NTF3: variants seen among roughly 807,000 people sequenced by gnomAD.
NTF3 encodes neurotrophin 3, also known as neurotrophin-3.
A neutral mutation model predicts 26.3 loss-of-function variants in NTF3; 8 were observed. The observed-to-expected ratio is 0.30, with a 90% CI of 0.18 to 0.55. NTF3 has a LOEUF of 0.55. NTF3 is among the 20% of genes least tolerant of loss of function. The pLI is 0.93. For missense variants in NTF3, 276 were observed against 352.9 expected, an observed-to-expected ratio of 0.78 and a Z score of 1.75; for synonymous variants, 154 against 145.5, an observed-to-expected ratio of 1.06 and a Z score of -0.42.
rs1052026158 is a variant in NTF3, at chr12:5,432,384, G to C, written c.18+42G>C. The C allele has an allele frequency of 1.9e-6, 3 of 1,587,214 alleles. No individual in the cohort carries two copies. In the Admixed American group the frequency reaches 5.0e-5, roughly 27 times the overall value. On this transcript the variant is annotated intron_variant, in intron 1 of 1. Coordinates refer to ENST00000423158, the MANE Select transcript of NTF3 (RefSeq NM_001102654.2). ...GGCACCTTGGGTGGGCAGGTTTGGG[G>C]ATGGGGGTCCACGTGGGGAGGGATT...
chr12:5,458,197 G>A (rs1940477127), intron 1 of NTF3, among the ~76,000 whole-genome samples: 2 of 152,222 alleles, frequency 1.3e-5, no homozygotes, highest in Admixed American at 6.5e-5. Context: ...CTGAGCCACA[G>A]CACCTGGGTA....
chr12:5,441,175 A>C (rs1337270058), intron 1 of NTF3, among the ~76,000 whole-genome samples: 2 of 152,226 alleles, frequency 1.3e-5, no homozygotes, highest in African/African-American at 4.8e-5. Context: ...GAAGTCCTCG[A>C]ACCACACTAG....
At chr12:5,442,132 C>A (rs1444382508) in intron 1 of NTF3, among the ~76,000 whole-genome samples, 1 of 152,170 alleles carries the variant, frequency 6.6e-6, no homozygotes, top group Non-Finnish European at 1.5e-5. Context: ...GTGAAGGAGG[C>A]AGTCAGGTTA....
intron 1 of NTF3, among the ~76,000 whole-genome samples, chr12:5,432,725 A>G (rs11836221): frequency 0.56 from 84,707 of 151,138 alleles, 24,228 homozygotes; most frequent in Non-Finnish European, 0.59. Context: ...GTGGGGGCAG[A>G]AGAGGGGAAA....
intron 1 of NTF3, among the ~76,000 whole-genome samples, chr12:5,434,440 G>A (rs547708379): frequency 8.8e-4 from 133 of 151,974 alleles, no homozygotes; most frequent in African/African-American, 3.0e-3. Context: ...CATTGAGTGA[G>A]TGGTCAGGGA....
rs1940451126 is a variant in NTF3, at chr12:5,456,506, G to A, written c.18+24164G>A. On this transcript the variant is annotated intron_variant, in intron 1 of 1. Coordinates refer to ENST00000423158, the MANE Select transcript of NTF3 (RefSeq NM_001102654.2). This position sits in a 1 kb window ranked among gnomAD's most constrained non-coding sequence, Gnocchi z 4.4. Reference sequence around the variant, plus strand: ...GGCCAACGGCACCTAACCACCTCAGGCACGGTGGACCTGGCTCCTCAGAGA... The same window carrying A: ...GGCCAACGGCACCTAACCACCTCAGACACGGTGGACCTGGCTCCTCAGAGA... Among the ~76,000 whole-genome samples, 1 of 152,084 alleles carries A rather than the reference G, an allele frequency of 6.6e-6. No homozygotes were observed. The highest frequency in any genetic ancestry group is 6.5e-5 in the Admixed American group (1 of 15,274).
intron 1 of NTF3, among the ~76,000 whole-genome samples, chr12:5,486,981 AAAAC>A (rs1430724852): frequency 6.6e-6 from 1 of 152,008 alleles, no homozygotes; most frequent in Non-Finnish European, 1.5e-5. Context: ...GTGAGTTACC[AAAAC>A]AAATACCACT....
At chr12:5,447,537 G>A (rs1190283312) in intron 1 of NTF3, among the ~76,000 whole-genome samples, 1 of 152,172 alleles carries the variant, frequency 6.6e-6, no homozygotes, top group Non-Finnish European at 1.5e-5. Context: ...GTCAATCACT[G>A]TACGCACAAC....
intron 1 of NTF3, among the ~76,000 whole-genome samples, chr12:5,471,991 C>T (rs1324951215): frequency 1.3e-5 from 2 of 152,092 alleles, no homozygotes; most frequent in East Asian, 1.9e-4. Context: ...CTCTGCACAC[C>T]GTCCATTTTT....
intron 1 of NTF3, among the ~76,000 whole-genome samples, chr12:5,474,380 G>T (rs1940698701): frequency 6.6e-6 from 1 of 152,232 alleles, no homozygotes; most frequent in Admixed American, 6.5e-5. Context: ...TCAAATAGTA[G>T]TTAGCCAGGG....
intron 1 of NTF3, among the ~76,000 whole-genome samples, chr12:5,438,495 G>A (rs760896652): frequency 6.6e-6 from 1 of 152,322 alleles, no homozygotes; most frequent in Admixed American, 6.5e-5. Flanking sequence ...GTGAAATTTC[G>A]TGTGGTCTGT....
At chr12:5,446,412 C>T (rs1940306226) in intron 1 of NTF3, among the ~76,000 whole-genome samples, 1 of 152,222 alleles carries the variant, frequency 6.6e-6, no homozygotes. Context: ...ATTTCTGGCA[C>T]TGATGGCTCA....
chr12:5,490,082 T>G (rs1940916267), intron 1 of NTF3, among the ~76,000 whole-genome samples: 1 of 151,778 alleles, frequency 6.6e-6, no homozygotes, highest in Non-Finnish European at 1.5e-5. Flanking sequence ...AGAAAGGGGG[T>G]TCACTAAGGT....
At chr12:5,454,578 C>T (rs999871375) in intron 1 of NTF3, among the ~76,000 whole-genome samples, 3 of 152,208 alleles carry the variant, frequency 2.0e-5, no homozygotes, top group African/African-American at 4.8e-5. Context: ...AGTCAGTTCT[C>T]TTTGGGGTGA....
chr12:5,442,311 G>C (rs760365440), intron 1 of NTF3, among the ~76,000 whole-genome samples: 1 of 152,198 alleles, frequency 6.6e-6, no homozygotes, highest in Non-Finnish European at 1.5e-5. Context: ...TGGTTTTCTT[G>C]TCCCTGAATT....
chr12:5,493,687 G>T (rs928209201), intron 1 of NTF3, among the ~76,000 whole-genome samples: 1 of 152,134 alleles, frequency 6.6e-6, no homozygotes, highest in African/African-American at 2.4e-5. Flanking sequence ...GCAATATGGG[G>T]GCAACTGAAC....
At chr12:5,477,317 C>T (rs971952976) in intron 1 of NTF3, among the ~76,000 whole-genome samples, 6 of 152,058 alleles carry the variant, frequency 3.9e-5, no homozygotes, top group African/African-American at 1.4e-4. Context: ...AATACACATC[C>T]CCAGTCTCTT....
rs1377824874 is a variant in NTF3, at chr12:5,494,965, T to C, written c.790T>C (p.Ser264Pro). Residue 264 changes from serine (S) to proline (P), a missense_variant, in exon 2 of 2, where the codon TCG becomes CCG. Coordinates refer to ENST00000423158, the MANE Select transcript of NTF3 (RefSeq NM_001102654.2). The surrounding 1 kb of genome is among the most constrained non-coding windows in gnomAD (Gnocchi z 8.3). ...AGACACGTCCTGTGTGTGTGCCTTGTCGAGAAAAATCGGAAGAACATGAAT... is the reference window on the plus strand; with the variant it reads ...AGACACGTCCTGTGTGTGTGCCTTGCCGAGAAAAATCGGAAGAACATGAAT... ...RIDTSCVCAL[S>P]RKIGRT 1 of 1,613,942 alleles carries C rather than the reference T, an allele frequency of 6.2e-7. No homozygotes were observed. The highest frequency in any genetic ancestry group is 8.5e-7 in the Non-Finnish European group (1 of 1,180,006).
chr12:5,445,300 A>ATG (rs55994341), intron 1 of NTF3, among the ~76,000 whole-genome samples: 635 of 60,902 alleles, frequency 0.01, 4 homozygotes, highest in African/African-American at 0.022. Context: ...GTGTGTGTGT[A>ATG]TGTGTGTGTG....
Sources: gnomAD v4.1 joint callset for allele counts (sites outside exome capture counted in the v4.1 genomes callset) on GRCh38, gnomAD v4.1.1 for gene constraint, Gnocchi (gnomAD v3.1) non-coding constraint, MANE v1.5 for transcripts, NCBI Gene and HGNC (gene_info 2026-07-23, HGNC 2026-07-21) for gene names.